Variants in PALM2AKAP2 observed in about 807,000 individuals in gnomAD.
PALM2AKAP2 encodes PALM2-AKAP2 fusion protein.
A neutral mutation model predicts 71.5 loss-of-function variants in PALM2AKAP2; 37 were observed. The observed-to-expected ratio is 0.52, with a 90% CI of 0.40 to 0.68. PALM2AKAP2 has a LOEUF of 0.68. Ranked by LOEUF, PALM2AKAP2 falls within the 30% of genes least tolerant of loss-of-function variation. The probability of loss-of-function intolerance (pLI) is 0.00; values close to 1 mark genes in which losing one functional copy is unlikely to be tolerated. For synonymous variants in PALM2AKAP2, 468 were observed against 478.8 expected, an observed-to-expected ratio of 0.98 and a Z score of 0.29; for missense variants, 1,224 against 1,191.8, an observed-to-expected ratio of 1.03 and a Z score of -0.40.
chr9:109,932,113 T>A, intron 6 of PALM2AKAP2, 85 bp downstream of exon 6: 1 of 1,355,630 alleles, frequency 7.4e-7, no homozygotes. Context: ...AGTGCCCTGC[T>A]ATCCTTACAT....
chr9:109,806,435 G>A (rs1434114605), intron 1 of PALM2AKAP2, among the ~76,000 whole-genome samples: 1 of 152,212 alleles, frequency 6.6e-6, no homozygotes, highest in East Asian at 1.9e-4. Context: ...ATACAAGACA[G>A]TCTCTGCCCT....
chr9:110,096,298 C>G (rs1186414771), intron 1 of PALM2AKAP2, among the ~76,000 whole-genome samples: 2 of 152,138 alleles, frequency 1.3e-5, no homozygotes, highest in Non-Finnish European at 2.9e-5. Flanking sequence ...GGGTCTTGCT[C>G]TGTTGCCCAG....
intron 1 of PALM2AKAP2, among the ~76,000 whole-genome samples, chr9:109,833,720 G>A (rs1828374949): frequency 6.6e-6 from 1 of 152,218 alleles, no homozygotes; most frequent in South Asian, 2.1e-4. Context: ...CCAATGCTGA[G>A]TACCAGTGGT....
intron 1 of PALM2AKAP2, among the ~76,000 whole-genome samples, chr9:110,053,118 C>G (rs1028523767): frequency 2.6e-5 from 4 of 152,130 alleles, no homozygotes; most frequent in Non-Finnish European, 1.5e-5. Flanking sequence ...GGGAAAGAGA[C>G]TGAGAACATA....
chr9:109,959,306 A>G (rs73657314), intron 6 of PALM2AKAP2, among the ~76,000 whole-genome samples: 3,290 of 152,250 alleles, frequency 0.022, 45 homozygotes, highest in South Asian at 0.041. Flanking sequence ...TGGGTCAGAC[A>G]CTTAGCCTCT....
At chr9:109,823,381 C>T (rs931464294) in intron 1 of PALM2AKAP2, among the ~76,000 whole-genome samples, 1 of 152,220 alleles carries the variant, frequency 6.6e-6, no homozygotes, top group Non-Finnish European at 1.5e-5. Context: ...AGCCAGAATA[C>T]TGGGGCTCCA....
intron 6 of PALM2AKAP2, among the ~76,000 whole-genome samples, chr9:109,988,846 G>T (rs1564247415): frequency 1.3e-5 from 2 of 152,218 alleles, no homozygotes; most frequent in African/African-American, 4.8e-5. Context: ...GGAGGGACCT[G>T]GTGGGAGATA....
chr9:109,716,031 A>G (rs1828314696), intron 1 of PALM2AKAP2, among the ~76,000 whole-genome samples: 1 of 152,232 alleles, frequency 6.6e-6, no homozygotes, highest in Admixed American at 6.5e-5. Flanking sequence ...GAAATGCCTG[A>G]ATGTTTTCCT....
chr9:110,048,756 C>G (rs1248937719), exon 1 of PALM2AKAP2: 3 of 1,537,848 alleles, frequency 2.0e-6, no homozygotes, highest in Non-Finnish European at 2.6e-6. Flanking sequence ...CTCCTGGACC[C>G]CCGGAGTCTC....
At chr9:110,014,570 C>T (rs973654716) in intron 6 of PALM2AKAP2, among the ~76,000 whole-genome samples, 6 of 151,238 alleles carry the variant, frequency 4.0e-5, no homozygotes, top group African/African-American at 7.3e-5. Context: ...GTCAGGAGTT[C>T]GAGACCAGCC....
At chr9:109,786,865 A>G (rs1826984026) in intron 1 of PALM2AKAP2, among the ~76,000 whole-genome samples, 2 of 152,202 alleles carry the variant, frequency 1.3e-5, no homozygotes, top group Non-Finnish European at 2.9e-5. Context: ...GTCAATATTT[A>G]AAGGAAAACC....
At chr9:110,025,733 G>A (rs890397305) in intron 7 of PALM2AKAP2, among the ~76,000 whole-genome samples, 4 of 152,194 alleles carry the variant, frequency 2.6e-5, no homozygotes, top group Non-Finnish European at 5.9e-5. Flanking sequence ...AACCATCCTA[G>A]TGGGTGTGGA....
intron 1 of PALM2AKAP2, among the ~76,000 whole-genome samples, chr9:109,704,497 G>A (rs1535457): frequency 0.31 from 46,609 of 152,090 alleles, 7,754 homozygotes; most frequent in African/African-American, 0.44. Flanking sequence ...AAGTTTTAGA[G>A]GGAGGATACT....
intron 7 of PALM2AKAP2, among the ~76,000 whole-genome samples, chr9:110,020,437 C>T (rs1234024805): frequency 1.3e-5 from 2 of 152,090 alleles, no homozygotes; most frequent in Non-Finnish European, 2.9e-5. Flanking sequence ...AATCCTAGCA[C>T]TGTGGGAGGC....
chr9:109,726,970 A>G (rs983837622), intron 1 of PALM2AKAP2, among the ~76,000 whole-genome samples: 2 of 152,168 alleles, frequency 1.3e-5, no homozygotes, highest in Non-Finnish European at 2.9e-5. Context: ...GACAATCTAG[A>G]GGGATCTTGA....
At chr9:109,923,764 G>A (rs1184647217) in exon 4 of PALM2AKAP2, 1 of 1,602,108 alleles carries the variant, frequency 6.2e-7, no homozygotes, top group Non-Finnish European at 8.5e-7. Flanking sequence ...ACGCTAGAAA[G>A]TGAAGAGTCC....
rs868637607 is a variant in PALM2AKAP2, at chr9:110,096,957, T to A, written c.157-39170T>A. Among the ~76,000 whole-genome samples, 390 of 141,388 alleles carry A rather than the reference T, an allele frequency of 2.8e-3. 3 individuals carry two copies. In the Middle Eastern group the frequency reaches 0.034, roughly 13 times the overall value. 92.8% of individuals were successfully genotyped at this position (141,388 alleles called of 152,430 possible). Reference sequence around the variant, plus strand: ...ATTTATTTATTTATTTATTTATTTATTTATTATTTTTTTTATTGATCATTC... The same window carrying A: ...ATTTATTTATTTATTTATTTATTTAATTATTATTTTTTTTATTGATCATTC... On this transcript the variant is annotated intron_variant, in intron 1 of 3. Coordinates refer to ENST00000374525, the Ensembl canonical transcript of PALM2AKAP2.
chr9:110,086,790 C>T (rs1342797353), intron 1 of PALM2AKAP2, among the ~76,000 whole-genome samples: 1 of 152,132 alleles, frequency 6.6e-6, no homozygotes, highest in Admixed American at 6.5e-5. Context: ...TCTTTGCCCC[C>T]AGTAAATCTC....
chr9:110,048,203 T>C (rs1833634187), upstream of PALM2AKAP2, among the ~76,000 whole-genome samples: 1 of 152,142 alleles, frequency 6.6e-6, no homozygotes, highest in East Asian at 1.9e-4. Flanking sequence ...GTCGTGGTGC[T>C]AGGTAAGGGA....
Sources: allele counts gnomAD v4.1 joint callset (sites outside exome capture counted in the v4.1 genomes callset), GRCh38; gene constraint gnomAD v4.1.1; transcripts MANE v1.5; gene names NCBI Gene and HGNC (gene_info 2026-07-23, HGNC 2026-07-21).